LAMC1: variants seen among roughly 807,000 people sequenced by gnomAD.
LAMC1 encodes laminin subunit gamma-1.
In LAMC1, 38 loss-of-function variants were observed where a neutral mutation model predicts 173.6. The observed-to-expected ratio is 0.22, with a 90% CI of 0.17 to 0.29. LAMC1 has a LOEUF of 0.29. LAMC1 is among the 10% of genes least tolerant of loss of function. LAMC1 has a pLI of 1.00. For synonymous variants in LAMC1, 746 were observed against 749.1 expected (o/e 1.00, Z 0.07); for missense variants, 1,824 against 2,051.8 (o/e 0.89, Z 2.14).
intron 1 of LAMC1, among the ~76,000 whole-genome samples, chr1:183,050,583 C>T (rs1252252295): frequency 1.4e-5 from 2 of 140,132 alleles, no homozygotes; most frequent in Non-Finnish European, 3.1e-5. Context: ...TGCCTGGCCT[C>T]TCAGATTCTT....
At chr1:183,095,852 G>T (rs1206227659) in intron 1 of LAMC1, among the ~76,000 whole-genome samples, 1 of 152,168 alleles carries the variant, frequency 6.6e-6, no homozygotes, top group Non-Finnish European at 1.5e-5. Context: ...GCAAAGATGT[G>T]CAGATTAGGA....
At chr1:183,043,517 A>T (rs1272659811) in intron 1 of LAMC1, among the ~76,000 whole-genome samples, 1 of 152,242 alleles carries the variant, frequency 6.6e-6, no homozygotes, top group East Asian at 1.9e-4. Context: ...TTATCTAAAT[A>T]AGCAGATAAA....
intron 18 of LAMC1, among the ~76,000 whole-genome samples, chr1:183,128,978 T>C (rs1656703960): frequency 6.6e-6 from 1 of 152,112 alleles, no homozygotes; most frequent in Admixed American, 6.5e-5. Context: ...TAAAAAACTA[T>C]TCGATATTCA....
At chr1:183,113,526 A>G (rs1656226135) in intron 4 of LAMC1, among the ~76,000 whole-genome samples, 1 of 152,210 alleles carries the variant, frequency 6.6e-6, no homozygotes, top group South Asian at 2.1e-4. Flanking sequence ...TATTATAAAT[A>G]TAGTAAGGAA....
At chr1:183,105,492 T>C (rs1558049552) in intron 2 of LAMC1, among the ~76,000 whole-genome samples, 1 of 152,170 alleles carries the variant, frequency 6.6e-6, no homozygotes, top group Non-Finnish European at 1.5e-5. Context: ...TTGCTAACTG[T>C]ACACCCAGTC....
chr1:183,070,756 G>T (rs1428036262), intron 1 of LAMC1, among the ~76,000 whole-genome samples: 1 of 152,076 alleles, frequency 6.6e-6, no homozygotes, highest in East Asian at 1.9e-4. Context: ...GGAGTTCTCA[G>T]TTCCCCTTGT....
At chr1:183,121,580 C>G in intron 11 of LAMC1, 143 bp from the exon 12 acceptor site, 1 of 636,444 alleles carries the variant, frequency 1.6e-6, no homozygotes, top group East Asian at 2.7e-5. Context: ...GTGGATATCT[C>G]GTTTAGTGTA....
chr1:183,118,027 T>C lies in LAMC1; in HGVS notation c.1878-7T>C. The C allele has an allele frequency of 1.9e-6, 3 of 1,563,274 alleles. No homozygotes were observed. Among genetic ancestry groups the C allele is most frequent in the Non-Finnish European group, 2.6e-6 (3 of 1,138,288 alleles). On this transcript the variant is annotated splice_polypyrimidine_tract_variant and splice_region_variant and intron_variant, in intron 10 of 27. Transcript: ENST00000258341. ...AGAGGTTAATGTGGCCCTTTCTTTC[T>C]CTCCAGGCTCCATGAAGCAACAGAT...
intron 1 of LAMC1, among the ~76,000 whole-genome samples, chr1:183,083,075 A>G (rs1655327892): frequency 6.6e-6 from 1 of 152,188 alleles, no homozygotes; most frequent in Non-Finnish European, 1.5e-5. Flanking sequence ...AGAACTTGGA[A>G]GAAGTGAAAA....
rs573719683 is a variant in LAMC1 at position 183,039,010 on chromosome 1, G to A, written c.418+14876G>A. Among the ~76,000 whole-genome samples, 11 of 152,224 alleles carry A rather than the reference G, an allele frequency of 7.2e-5. No individual in the cohort carries two copies. In the East Asian group the frequency reaches 1.2e-3, roughly 16 times the overall value. On this transcript the variant is annotated intron_variant, in intron 1 of 27. Transcript: ENST00000258341. Reference sequence around the variant, plus strand: ...TCTTACCAAATAATTTAAGGTAGGCGTAGTTGCCTTGGGTGAGCAGTTTTA... The same window carrying A: ...TCTTACCAAATAATTTAAGGTAGGCATAGTTGCCTTGGGTGAGCAGTTTTA...
At chr1:183,140,613 C>A (rs1018916421) in intron 27 of LAMC1, 110 bp downstream of exon 27, 1 of 480,330 alleles carries the variant, frequency 2.1e-6, no homozygotes, top group Non-Finnish European at 3.6e-6. Context: ...TTACATGAAT[C>A]CCTTTTAAGT....
At chr1:183,083,416 A>G (rs1380032839) in intron 1 of LAMC1, among the ~76,000 whole-genome samples, 1 of 150,968 alleles carries the variant, frequency 6.6e-6, no homozygotes, top group South Asian at 2.1e-4. Flanking sequence ...GTTGCCAGCC[A>G]GCTGCCCATA....
At chr1:183,049,620 T>C (rs1325149541) in intron 1 of LAMC1, among the ~76,000 whole-genome samples, 1 of 152,024 alleles carries the variant, frequency 6.6e-6, no homozygotes, top group Non-Finnish European at 1.5e-5. Context: ...TGTGCCACCA[T>C]GCCCAGCTCA....
intron 2 of LAMC1, among the ~76,000 whole-genome samples, chr1:183,103,901 G>A (rs1308489040): frequency 6.6e-6 from 1 of 152,150 alleles, no homozygotes; most frequent in Non-Finnish European, 1.5e-5. Flanking sequence ...TTTTTAAAAA[G>A]TCAAACAATT....
At chr1:183,064,654 G>A (rs1654822259) in intron 1 of LAMC1, among the ~76,000 whole-genome samples, 1 of 151,886 alleles carries the variant, frequency 6.6e-6, no homozygotes, top group South Asian at 2.1e-4. Flanking sequence ...AATTGTAAGG[G>A]GCACCTCCTG....
At chr1:183,135,334 TG>T (rs1272149716) in intron 24 of LAMC1, among the ~76,000 whole-genome samples, 178 bp downstream of exon 24, 2 of 152,202 alleles carry the variant, frequency 1.3e-5, no homozygotes, top group African/African-American at 4.8e-5. Flanking sequence ...TACTTCAGTA[TG>T]GATTTTTTTT....
At chr1:183,043,595 G>A (rs1654195336) in intron 1 of LAMC1, among the ~76,000 whole-genome samples, 1 of 152,128 alleles carries the variant, frequency 6.6e-6, no homozygotes, top group African/African-American at 2.4e-5. Flanking sequence ...TGAGTGAATG[G>A]ATTATGAAAT....
chr1:183,117,033 T>G, intron 8 of LAMC1, 130 bp downstream of exon 8: 2 of 931,430 alleles, frequency 2.1e-6, no homozygotes, highest in Non-Finnish European at 3.2e-6. Context: ...TTAGCATGCA[T>G]AGTTTTTGTA....
intron 14 of LAMC1, 195 bp downstream of exon 14, chr1:183,125,071 G>T: frequency 1.5e-6 from 1 of 662,736 alleles, no homozygotes; most frequent in Non-Finnish European, 2.5e-6. Flanking sequence ...GACACCTGTG[G>T]TCCTGTAAAA....
Sources: gnomAD v4.1 joint callset for allele counts (sites outside exome capture counted in the v4.1 genomes callset) on GRCh38, gnomAD v4.1.1 for gene constraint, MANE v1.5 for transcripts, NCBI Gene and HGNC (gene_info 2026-07-23, HGNC 2026-07-21) for gene names.